Variants in NKAIN2 observed in about 807,000 individuals in gnomAD.
NKAIN2 encodes sodium/potassium-transporting ATPase subunit beta-1-interacting protein 2.
In NKAIN2, 14 loss-of-function variants were observed where a neutral mutation model predicts 32.6. The observed-to-expected ratio is 0.43, with a 90% confidence interval of 0.28 to 0.67. NKAIN2 has a LOEUF of 0.67. NKAIN2 is among the 30% of genes least tolerant of loss of function. NKAIN2 has a pLI of 0.17. For missense variants in NKAIN2, 198 were observed against 258.3 expected, an observed-to-expected ratio of 0.77 and a Z score of 1.60; for synonymous variants, 80 against 87.2, an observed-to-expected ratio of 0.92 and a Z score of 0.46.
intron 3 of NKAIN2, among the ~76,000 whole-genome samples, chr6:124,487,535 A>C (rs1777698950): frequency 1.3e-5 from 2 of 152,296 alleles, no homozygotes; most frequent in South Asian, 4.1e-4. Flanking sequence ...ACCATGTGGC[A>C]AGTCCATAAG....
intron 1 of NKAIN2, among the ~76,000 whole-genome samples, chr6:124,194,391 T>G (rs532937350): frequency 6.6e-6 from 1 of 152,334 alleles, no homozygotes; most frequent in East Asian, 1.9e-4. Flanking sequence ...TTTCTGTTAT[T>G]TAATGAGCAT....
At chr6:124,362,140 T>C (rs150868485) in intron 3 of NKAIN2, among the ~76,000 whole-genome samples, 6 of 152,072 alleles carry the variant, frequency 3.9e-5, no homozygotes, top group Non-Finnish European at 1.5e-5. Flanking sequence ...TAACAAATAT[T>C]ATGATGATAA....
At chr6:124,248,185 A>C (rs911178734) in intron 1 of NKAIN2, among the ~76,000 whole-genome samples, 10 of 152,070 alleles carry the variant, frequency 6.6e-5, no homozygotes, top group Admixed American at 6.6e-4. Context: ...TTGGAACTTG[A>C]ATGATAGATT....
intron 3 of NKAIN2, among the ~76,000 whole-genome samples, 177 bp from the exon 4 acceptor site, chr6:124,658,009 A>G (rs1409232503): frequency 2.6e-5 from 4 of 152,090 alleles, no homozygotes; most frequent in African/African-American, 9.7e-5. Context: ...GGATGAATCC[A>G]TAGATGCATA....
intron 3 of NKAIN2, among the ~76,000 whole-genome samples, chr6:124,407,655 T>C (rs1773928144): frequency 6.6e-6 from 1 of 151,860 alleles, no homozygotes; most frequent in Non-Finnish European, 1.5e-5. Flanking sequence ...GCAATAAACA[T>C]ACGTGTGCAT....
chr6:124,031,976 G>A (rs1484787408), intron 1 of NKAIN2, among the ~76,000 whole-genome samples: 1 of 151,938 alleles, frequency 6.6e-6, no homozygotes, highest in East Asian at 1.9e-4. Context: ...TATGTTTACT[G>A]CAGCACTATT....
chr6:124,681,712 G>T (rs1490554020), intron 4 of NKAIN2, among the ~76,000 whole-genome samples: 1 of 152,002 alleles, frequency 6.6e-6, no homozygotes, highest in South Asian at 2.1e-4. Flanking sequence ...GACATATGGG[G>T]ATAGAGAAAG....
At position 123,874,910 on chromosome 6, in the gene NKAIN2, T is replaced by TACATAC. The variant is rs777879321; in HGVS notation, c.54+70657_54+70658insCATACA. 1.2e-4 allele frequency among the ~76,000 whole-genome samples: 18 copies of TACATAC among 149,158 alleles called. 1 individual carries two copies. The highest frequency in any genetic ancestry group is 1.0e-3 in the South Asian group (5 of 4,810). ...CTACATACATACATACATACATACA[T>TACATAC]ATATATATGTGTGTGTGTGTGTACA... On this transcript the variant is annotated intron_variant, in intron 1 of 6. Coordinates refer to ENST00000368417, the MANE Select transcript of NKAIN2 (RefSeq NM_001040214.3).
chr6:123,848,800 T>C (rs2114951960), intron 1 of NKAIN2, among the ~76,000 whole-genome samples: 1 of 152,306 alleles, frequency 6.6e-6, no homozygotes, highest in South Asian at 2.1e-4. Flanking sequence ...TGGTGATATC[T>C]CTTTAATATA....
chr6:124,309,536 C>T (rs1030103196), intron 2 of NKAIN2, among the ~76,000 whole-genome samples: 1 of 152,140 alleles, frequency 6.6e-6, no homozygotes, highest in African/African-American at 2.4e-5. Context: ...AGACTTCTAT[C>T]TATAATATTG....
At chr6:124,316,709 T>C (rs1482631048) in intron 2 of NKAIN2, among the ~76,000 whole-genome samples, 1 of 151,952 alleles carries the variant, frequency 6.6e-6, no homozygotes, top group Admixed American at 6.6e-5. Flanking sequence ...CCTGGAAGAG[T>C]TTCTAAAAGT....
intron 3 of NKAIN2, among the ~76,000 whole-genome samples, chr6:124,648,811 A>G (rs1784267468): frequency 6.6e-6 from 1 of 152,224 alleles, no homozygotes; most frequent in Non-Finnish European, 1.5e-5. Context: ...CTACCCAAAA[A>G]ATGTGAAGAA....
intron 1 of NKAIN2, among the ~76,000 whole-genome samples, chr6:123,893,367 A>G (rs933190702): frequency 4.6e-5 from 7 of 152,128 alleles, no homozygotes; most frequent in African/African-American, 9.7e-5. Context: ...TGCCTGGCTA[A>G]TTAAAAACAA....
intron 1 of NKAIN2, among the ~76,000 whole-genome samples, chr6:123,812,310 A>G (rs1773510159): frequency 6.6e-6 from 1 of 152,214 alleles, no homozygotes; most frequent in Non-Finnish European, 1.5e-5. Flanking sequence ...CACAATATTT[A>G]AAGGTTAAGA....
intron 4 of NKAIN2, among the ~76,000 whole-genome samples, chr6:124,700,210 A>G (rs1030729453): frequency 3.3e-5 from 5 of 152,196 alleles, no homozygotes; most frequent in African/African-American, 1.2e-4. Flanking sequence ...TGGGAGTTAG[A>G]TGAAAAATCA....
chr6:124,422,588 T>C (rs1254346034), intron 3 of NKAIN2, among the ~76,000 whole-genome samples: 1 of 152,272 alleles, frequency 6.6e-6, no homozygotes, highest in Non-Finnish European at 1.5e-5. Context: ...TAATAGATTA[T>C]TCATGCCTAA....
intron 1 of NKAIN2, among the ~76,000 whole-genome samples, chr6:124,156,049 A>C (rs1423790877): frequency 6.6e-6 from 1 of 151,802 alleles, no homozygotes; most frequent in Non-Finnish European, 1.5e-5. Context: ...AGGGAGGTAG[A>C]GTTGCTTTTG....
rs373342389 is a variant in NKAIN2 at position 124,002,353 on chromosome 6, A to T, written c.54+198099A>T. Among the ~76,000 whole-genome samples, 5 of 152,134 alleles carry T rather than the reference A, an allele frequency of 3.3e-5. No homozygotes were observed. In the East Asian group the frequency reaches 5.8e-4, roughly 18 times the overall value. The stretch of plus-strand genomic sequence containing the variant: ...AAATGAATGGTTAATGAATAAATAG[A>T]GAAAACCTTATTCTGGGTGCTGAAT... On this transcript the variant is annotated intron_variant, in intron 1 of 6. Coordinates refer to ENST00000368417, the MANE Select transcript of NKAIN2 (RefSeq NM_001040214.3).
At chr6:124,527,836 T>C (rs1413985322) in intron 3 of NKAIN2, among the ~76,000 whole-genome samples, 1 of 152,088 alleles carries the variant, frequency 6.6e-6, no homozygotes, top group Non-Finnish European at 1.5e-5. Flanking sequence ...GGAGGTTGCA[T>C]AGGTGAAGGG....
Sources: gnomAD v4.1 joint callset for allele counts (sites outside exome capture counted in the v4.1 genomes callset) on GRCh38, gnomAD v4.1.1 for gene constraint, MANE v1.5 for transcripts, NCBI Gene and HGNC (gene_info 2026-07-23, HGNC 2026-07-21) for gene names.